Variants in CLEC2A observed in about 807,000 individuals in gnomAD.
CLEC2A encodes keratinocyte-associated C-type lectin.
In CLEC2A, 19 loss-of-function variants were observed where a neutral mutation model predicts 18.6. The observed-to-expected ratio is 1.02, with a 90% confidence interval of 0.71 to 1.50. The LOEUF (loss-of-function observed/expected upper bound fraction) is 1.50, where lower values mean the gene tolerates loss of function less well. Ranked by LOEUF, CLEC2A falls within the 40% of genes most tolerant of loss-of-function variation. The pLI is 0.00. For synonymous variants in CLEC2A, 74 were observed against 64.0 expected, an observed-to-expected ratio of 1.16 and a Z score of -0.75; for missense variants, 190 against 207.9, an observed-to-expected ratio of 0.91 and a Z score of 0.53.
At chr12:9,882,505 C>A in the CLEC2A span, among the ~76,000 whole-genome samples, 5 of 152,262 alleles carry the variant, frequency 3.3e-5, no homozygotes, top group East Asian at 5.8e-4. Flanking sequence ...AGACCAGGCA[C>A]GGTGGCTCAT....
At chr12:9,897,491 G>GA (rs1862769277), downstream of CLEC2A, among the ~76,000 whole-genome samples, 1 of 151,296 alleles carries the variant, frequency 6.6e-6, no homozygotes, top group Admixed American at 6.6e-5. Context: ...ACACGACCAG[G>GA]AAAAATTAGG....
At chr12:9,913,054 C>A (rs1225690210), downstream of CLEC2A, among the ~76,000 whole-genome samples, 3 of 152,128 alleles carry the variant, frequency 2.0e-5, no homozygotes, top group African/African-American at 7.2e-5. Context: ...TATGAAGCAT[C>A]CAAATATGTG....
chr12:9,913,491 G>A lies in CLEC2A; in HGVS notation c.*75C>T. On this transcript the variant is annotated 3_prime_UTR_variant, in exon 5 of 5. Transcript: ENST00000455827. ...TTCCGTATTCTGTAACAGAATAAGT[G>A]AGAAAGCCACTTTTGCATAATTAGC... is the stretch of plus-strand genomic sequence containing the variant. 1 of 1,490,454 alleles carries A rather than the reference G, an allele frequency of 6.7e-7. No individual in the cohort carries two copies. The highest frequency in any genetic ancestry group is 8.9e-7 in the Non-Finnish European group (1 of 1,127,276). 92.3% of individuals were successfully genotyped at this position (1,490,454 alleles called of 1,614,324 possible). A position where few individuals can be genotyped will look rare whatever the true frequency, so the allele number is the denominator to read the frequency against.
downstream of CLEC2A, among the ~76,000 whole-genome samples, chr12:9,909,604 G>A (rs941340662): frequency 1.3e-5 from 2 of 152,190 alleles, no homozygotes; most frequent in Non-Finnish European, 1.5e-5. Flanking sequence ...GAAGCTGATG[G>A]CACCCCCTCC....
At chr12:9,903,628 T>C (rs997028900) in intron 4 of CLEC2A, among the ~76,000 whole-genome samples, 2 of 152,232 alleles carry the variant, frequency 1.3e-5, no homozygotes, top group Non-Finnish European at 2.9e-5. Flanking sequence ...TCTAATGTTA[T>C]TCTATTTTCC....
chr12:9,915,522 C>T (rs1863057058), intron 4 of CLEC2A, among the ~76,000 whole-genome samples: 1 of 152,022 alleles, frequency 6.6e-6, no homozygotes, highest in South Asian at 2.1e-4. Context: ...ACTGTTCAAC[C>T]ATAAAAAAGA....
At chr12:9,889,658 GTGTA>G in the CLEC2A span, among the ~76,000 whole-genome samples, 7,054 of 141,542 alleles carry the variant, frequency 0.05, 261 homozygotes, top group African/African-American at 0.12. Flanking sequence ...GTGTGTGTGT[GTGTA>G]TATATATGTA....
downstream of CLEC2A, among the ~76,000 whole-genome samples, chr12:9,909,847 G>C (rs1591787848): frequency 6.6e-6 from 1 of 152,072 alleles, no homozygotes; most frequent in African/African-American, 2.4e-5. Flanking sequence ...TGGGGTCTGA[G>C]GTGGCAACAG....
downstream of CLEC2A, among the ~76,000 whole-genome samples, chr12:9,896,361 C>G (rs540422017): frequency 2.8e-4 from 43 of 151,688 alleles, no homozygotes; most frequent in Admixed American, 1.8e-3. Flanking sequence ...CAGACTTCTC[C>G]ACTTTGTGAT....
the CLEC2A span, among the ~76,000 whole-genome samples, chr12:9,880,390 G>A: frequency 6.6e-6 from 1 of 152,168 alleles, no homozygotes; most frequent in African/African-American, 2.4e-5. Context: ...CCAGTGTTGA[G>A]GAGGAGACTC....
Position 9,913,696 on chromosome 12 carries a change from C to G in CLEC2A, c.411-16G>C, listed in dbSNP as rs1863023320. 1 of 1,486,212 alleles carries G rather than the reference C, an allele frequency of 6.7e-7. No individual in the cohort carries two copies. Among genetic ancestry groups the G allele is most frequent in the Non-Finnish European group, 9.1e-7 (1 of 1,102,104 alleles). 92.1% of individuals were successfully genotyped at this position (1,486,212 alleles called of 1,614,324 possible). A position where few individuals can be genotyped will look rare whatever the true frequency, so the allele number is the denominator to read the frequency against. ...AATTTCAAACCTGAAAAAGAACACT[C>G]TAAATCAGTCTGGGAACCACTTACG... On this transcript the variant is annotated splice_polypyrimidine_tract_variant and intron_variant, in intron 4 of 4. Coordinates refer to ENST00000455827, the MANE Select transcript of CLEC2A (RefSeq NM_001130711.2).
At chr12:9,926,100 G>A (rs1282950846) in intron 2 of CLEC2A, among the ~76,000 whole-genome samples, 160 bp downstream of exon 2, 1 of 152,188 alleles carries the variant, frequency 6.6e-6, no homozygotes, top group Non-Finnish European at 1.5e-5. Flanking sequence ...GAGAGGCAAG[G>A]ATTATGGTAA....
chr12:9,878,929 C>G, the CLEC2A span, among the ~76,000 whole-genome samples: 1 of 152,028 alleles, frequency 6.6e-6, no homozygotes, highest in Non-Finnish European at 1.5e-5. Flanking sequence ...TGTGAGGGAA[C>G]CTGGTGACGA....
At position 9,916,718 on chromosome 12, in the gene CLEC2A, C is replaced by T. The variant is rs370351914; in HGVS notation, c.392G>A (p.Gly131Asp). ...KQGDSWKWTNGTTFNGWFEII... is the reference protein window; with the variant it reads ...KQGDSWKWTNDTTFNGWFEII... Reference sequence around the variant, plus strand: ...AACTCACCAACCATTGAATGTGGTGCCATTTGTCCATTTCCAAGAATCTCC... The same window carrying T: ...AACTCACCAACCATTGAATGTGGTGTCATTTGTCCATTTCCAAGAATCTCC... The change falls in exon 4 of 5, where the codon GGC becomes GAC. Residue 131 changes from glycine to aspartate, a missense_variant. Gly to Asp is a moderately conservative substitution (Grantham distance 94, BLOSUM62 -1). Transcript: ENST00000455827. 88 of 1,547,248 alleles carry T rather than the reference C, an allele frequency of 5.7e-5. No individual in the cohort carries two copies. The African/African-American group carries it at 1.1e-3, about 19-fold the overall frequency.
chr12:9,904,959 G>A (rs368559033), intron 4 of CLEC2A, among the ~76,000 whole-genome samples: 6 of 152,098 alleles, frequency 3.9e-5, no homozygotes, highest in South Asian at 2.1e-4. Context: ...GACTCAATAC[G>A]GTATGGACAT....
chr12:9,924,625 A>G (rs1294909651), intron 2 of CLEC2A, among the ~76,000 whole-genome samples: 1 of 152,242 alleles, frequency 6.6e-6, no homozygotes, highest in African/African-American at 2.4e-5. Context: ...AAATAAACCC[A>G]TAGAACCCAG....
downstream of CLEC2A, among the ~76,000 whole-genome samples, chr12:9,910,491 A>G (rs1231456836): frequency 6.6e-6 from 1 of 151,974 alleles, no homozygotes. Context: ...GTGAGTCTCA[A>G]TCTCTCCTAC....
Position 9,913,476 on chromosome 12 carries a change from T to C in CLEC2A, c.*90A>G. ...GGCCCTCACCAGAGGTTCCGTATTC[T>C]GTAACAGAATAAGTGAGAAAGCCAC... On this transcript the variant is annotated 3_prime_UTR_variant, in exon 5 of 5. Transcript: ENST00000455827. 1.4e-6 allele frequency: 2 copies of C among 1,469,668 alleles called. No homozygotes were observed. The highest frequency in any genetic ancestry group is 1.4e-5 in the South Asian group (1 of 69,884). 91.0% of individuals were successfully genotyped at this position (1,469,668 alleles called of 1,614,324 possible). A position where few individuals can be genotyped will look rare whatever the true frequency, so the allele number is the denominator to read the frequency against.
At chr12:9,907,773 A>G (rs1300191523) in intron 4 of CLEC2A, among the ~76,000 whole-genome samples, 1 of 152,202 alleles carries the variant, frequency 6.6e-6, no homozygotes, top group African/African-American at 2.4e-5. Flanking sequence ...GGGCAAAACT[A>G]TCCATCAGTA....
Sources: allele counts gnomAD v4.1 joint callset (sites outside exome capture counted in the v4.1 genomes callset), GRCh38; gene constraint gnomAD v4.1.1; transcripts MANE v1.5; gene names NCBI Gene and HGNC (gene_info 2026-07-23, HGNC 2026-07-21).